The following EFR3B variants were observed in gnomAD, a reference collection of about 807,000 sequenced individuals.
EFR3B encodes protein EFR3 homolog B.
A neutral mutation model predicts 104.7 loss-of-function variants in EFR3B; 64 were observed. The observed-to-expected ratio is 0.61, with a 90% CI of 0.50 to 0.75. The LOEUF (loss-of-function observed/expected upper bound fraction) is 0.75. EFR3B is among the 30% of genes least tolerant of loss of function. The probability of loss-of-function intolerance (pLI) is 0.00; values close to 1 mark genes in which losing one functional copy is unlikely to be tolerated. For synonymous variants in EFR3B, 385 were observed against 417.9 expected (o/e 0.92, Z 0.96); for missense variants, 750 against 1,078.5 (o/e 0.70, Z 4.27).
intron 3 of EFR3B, 89 bp from the exon 4 acceptor site, chr2:25,103,548 C>T (rs1669480751): frequency 1.4e-6 from 2 of 1,477,640 alleles, no homozygotes; most frequent in South Asian, 2.7e-5. Context: ...CTGCATTGCC[C>T]AGGTCACCAC....
intron 20 of EFR3B, among the ~76,000 whole-genome samples, chr2:25,150,892 T>G (rs1271140704): frequency 6.6e-6 from 1 of 152,038 alleles, no homozygotes; most frequent in South Asian, 2.1e-4. Flanking sequence ...CTTACAGGCA[T>G]AACCCACTGC....
rs1384204778 is a variant in EFR3B at position 25,154,938 on chromosome 2, G to C, written c.*598G>C. 1 of 153,996 alleles carries C rather than the reference G, an allele frequency of 6.5e-6. No homozygotes were observed. The highest frequency in any genetic ancestry group is 1.4e-5 in the Non-Finnish European group (1 of 69,348). The allele number at this position is 153,996 out of a possible 1,614,324, so 9.5% of individuals were successfully genotyped here. ...GGGTGGAGACATCACGAGGGGTCGG[G>C]GGACAGCAAAGGGCAGGAAGCAGGA... is the stretch of plus-strand genomic sequence containing the variant. On this transcript the variant is annotated 3_prime_UTR_variant, in exon 23 of 23. Coordinates refer to ENST00000403714, the MANE Select transcript of EFR3B (RefSeq NM_014971.2). This position sits in a 1 kb window ranked among gnomAD's most constrained non-coding sequence, Gnocchi z 4.1.
At position 25,103,793 on chromosome 2, in the gene EFR3B, G is replaced by C; in HGVS notation, c.363+6G>C. On this transcript the variant is annotated splice_donor_region_variant and intron_variant, in intron 4 of 22. Transcript: ENST00000403714. ...AGATCCTCGGCACCAACTCGGTAAG[G>C]AGCGGCCCAGGGGGCTCCAGGTCTC... 1 of 1,551,266 alleles carries C rather than the reference G, an allele frequency of 6.4e-7. No individual in the cohort carries two copies. Among genetic ancestry groups the C allele is most frequent in the Non-Finnish European group, 8.7e-7 (1 of 1,146,770 alleles).
intron 4 of EFR3B, among the ~76,000 whole-genome samples, chr2:25,119,396 G>A (rs533038282): frequency 8.5e-5 from 13 of 152,300 alleles, no homozygotes; most frequent in Admixed American, 2.0e-4. Context: ...ACATGCTGCC[G>A]GTGGCTAAGG....
At chr2:25,091,441 C>A in intron 2 of EFR3B, 40 bp downstream of exon 2, 1 of 1,514,754 alleles carries the variant, frequency 6.6e-7, no homozygotes, top group South Asian at 1.3e-5. Context: ...CTCTCATGGT[C>A]CAGGCAGGGC....
At chr2:25,142,569 G>A (rs1291589647) in intron 17 of EFR3B, among the ~76,000 whole-genome samples, 1 of 151,362 alleles carries the variant, frequency 6.6e-6, no homozygotes, top group African/African-American at 2.4e-5. Flanking sequence ...GACTAGCCTG[G>A]CCAACACAGT....
intron 1 of EFR3B, 139 bp from the exon 2 acceptor site, chr2:25,091,186 C>G: frequency 1.4e-6 from 1 of 720,098 alleles, no homozygotes; most frequent in Non-Finnish European, 2.3e-6. Context: ...GACAAGGCCC[C>G]GAGCCCTCCA....
chr2:25,052,643 C>T (rs571094716), intron 1 of EFR3B, among the ~76,000 whole-genome samples: 9 of 149,544 alleles, frequency 6.0e-5, no homozygotes, highest in Admixed American at 2.7e-4. Flanking sequence ...CTGGGATTAA[C>T]AGGTGTGTGC....
chr2:25,099,317 G>A (rs1277501675), intron 3 of EFR3B, among the ~76,000 whole-genome samples: 2 of 152,028 alleles, frequency 1.3e-5, no homozygotes, highest in African/African-American at 4.8e-5. Flanking sequence ...TGCAGAGCCA[G>A]GAATGGCTGT....
In EFR3B at chr2:25,093,007, G is replaced by C; in HGVS notation, c.89G>C (p.Gly30Ala). The change falls in exon 3 of 23, where the codon GGT (glycine) becomes GCT (alanine). Residue 30 changes from glycine to alanine, a missense_variant. Gly to Ala is a moderately conservative substitution (Grantham distance 60). Transcript: ENST00000403714. ...DNIFPEDPED[G>A]LVKTNMEKLT... ...ACAAGCTGTTTTCTCCTACAGGATG[G>C]TCTGGTGAAGACCAACATGGAGAAG... 1 of 1,545,638 alleles carries C rather than the reference G, an allele frequency of 6.5e-7. No individual in the cohort carries two copies.
intron 4 of EFR3B, among the ~76,000 whole-genome samples, chr2:25,113,172 G>A (rs1484805175): frequency 6.6e-6 from 1 of 152,010 alleles, no homozygotes; most frequent in Non-Finnish European, 1.5e-5. Context: ...TCACATGTTC[G>A]AAATCTTCAG....
Sources: allele counts gnomAD v4.1 joint callset (sites outside exome capture counted in the v4.1 genomes callset), GRCh38; gene constraint gnomAD v4.1.1; non-coding constraint Gnocchi (gnomAD v3.1); transcripts MANE v1.5; gene names NCBI Gene and HGNC (gene_info 2026-07-23, HGNC 2026-07-21).